The following GABBR2 variants were observed in gnomAD, a reference collection of about 807,000 sequenced individuals.
The protein encoded by GABBR2 is G-protein coupled receptor 51.
GABBR2 carries 23 observed loss-of-function variants against 105.6 expected under a neutral mutation model. That is an observed-to-expected ratio of 0.22 (90% CI 0.16 to 0.31). The LOEUF is 0.31. GABBR2 is among the 10% of genes least tolerant of loss of function. The pLI, the probability that GABBR2 is intolerant of heterozygous loss-of-function variation, is 1.00. For synonymous variants in GABBR2, 478 were observed against 499.7 expected (o/e 0.96, Z 0.58); for missense variants, 734 against 1,245.5 (o/e 0.59, Z 6.18).
intron 15 of GABBR2, among the ~76,000 whole-genome samples, chr9:98,305,251 A>G (rs1390037088): frequency 6.6e-6 from 1 of 152,244 alleles, no homozygotes; most frequent in Non-Finnish European, 1.5e-5. Context: ...TAAATGGAAC[A>G]TATAAGTGGC....
intron 5 of GABBR2, among the ~76,000 whole-genome samples, chr9:98,479,893 C>A (rs1171349379): frequency 6.6e-6 from 1 of 152,186 alleles, no homozygotes; most frequent in African/African-American, 2.4e-5. Context: ...CCTCAGCTAT[C>A]CCTCTACCAC....
At chr9:98,521,545 G>C (rs870083) in intron 3 of GABBR2, among the ~76,000 whole-genome samples, 48,945 of 152,044 alleles carry the variant, frequency 0.32, 8,094 homozygotes, top group Non-Finnish European at 0.34. Context: ...TAGGCACCTT[G>C]CAGACACAGC....
chr9:98,519,727 T>C (rs1173214790), intron 3 of GABBR2, among the ~76,000 whole-genome samples: 1 of 150,386 alleles, frequency 6.6e-6, no homozygotes, highest in African/African-American at 2.5e-5. Context: ...TTTTTTTTTT[T>C]GGTAAAGGGT....
intron 2 of GABBR2, among the ~76,000 whole-genome samples, chr9:98,575,195 T>C (rs568568509): frequency 2.6e-5 from 4 of 152,146 alleles, no homozygotes; most frequent in Non-Finnish European, 4.4e-5. Context: ...GTGATAGGCT[T>C]TCTAGGGCCC....
At chr9:98,577,888 G>A (rs752812224) in intron 2 of GABBR2, 47 bp downstream of exon 2, 4 of 1,558,968 alleles carry the variant, frequency 2.6e-6, no homozygotes, top group Admixed American at 1.9e-5. Flanking sequence ...AAGACTGAGG[G>A]CCAACCAAAG....
Position 98,306,696 on chromosome 9 carries a change from G to A in GABBR2, c.2005-351C>T. 1 of 317,648 alleles carries A rather than the reference G, an allele frequency of 3.1e-6. No individual in the cohort carries two copies. The highest frequency in any genetic ancestry group is 6.0e-6 in the Non-Finnish European group (1 of 167,612). The allele number at this position is 317,648 out of a possible 1,614,324, so 19.7% of individuals were successfully genotyped here. ...CTAGGGAATACTAATATCCAGAAGG[G>A]TGAAGAGGTCTGCCCAAGGCCGCAC... On this transcript the variant is annotated intron_variant, in intron 14 of 18. Transcript: ENST00000259455. The surrounding 1 kb of genome is among the most constrained non-coding windows in gnomAD (Gnocchi z 5.4).
At chr9:98,639,099 A>T (rs1425772199) in intron 1 of GABBR2, among the ~76,000 whole-genome samples, 2 of 152,202 alleles carry the variant, frequency 1.3e-5, no homozygotes, top group East Asian at 1.9e-4. Context: ...GAACACCTCC[A>T]GTGCTGGTTT....
chr9:98,340,183 GTTT>G lies in GABBR2; in HGVS notation c.1893+22529_1893+22531del, dbSNP rs796454954. Among the ~76,000 whole-genome samples, 30 of 57,826 alleles carry G rather than the reference GTTT, an allele frequency of 5.2e-4. No individual in the cohort carries two copies. In the East Asian group the frequency reaches 7.9e-3, roughly 15 times the overall value. The allele number at this position is 57,826 out of a possible 152,430, so 37.9% of individuals were successfully genotyped here. On this transcript the variant is annotated intron_variant, in intron 13 of 18. Coordinates refer to ENST00000259455, the MANE Select transcript of GABBR2 (RefSeq NM_005458.8). ...ATTTATTGCTTTAATCCAGTGAGGG[GTTT>G]TTTTTTTTTTTTTGTTACTACAGCA...
At chr9:98,302,548 T>C (rs999651235) in intron 16 of GABBR2, among the ~76,000 whole-genome samples, 5 of 152,328 alleles carry the variant, frequency 3.3e-5, no homozygotes, top group South Asian at 2.1e-4. Context: ...TTGTAACCAA[T>C]GTACTTTCCT....
At position 98,349,312 on chromosome 9, in the gene GABBR2, TG is replaced by T. The variant is rs566021496; in HGVS notation, c.1893+13402del. ...GTGGTGTATTATCTTTTTGATGTGTTGTTGGATTTGGTTTGCCAATATTTTG... is the reference window on the plus strand; with the variant it reads ...GTGGTGTATTATCTTTTTGATGTGTTTTGGATTTGGTTTGCCAATATTTTG... On this transcript the variant is annotated intron_variant, in intron 13 of 18. Coordinates refer to ENST00000259455, the MANE Select transcript of GABBR2 (RefSeq NM_005458.8). Among the ~76,000 whole-genome samples the T allele has an allele frequency of 3.3e-5, 5 of 151,824 alleles. No individual in the cohort carries two copies. In the East Asian group the frequency reaches 9.7e-4, roughly 29 times the overall value.
intron 12 of GABBR2, among the ~76,000 whole-genome samples, chr9:98,363,262 T>C (rs1831619240): frequency 6.6e-6 from 1 of 152,138 alleles, no homozygotes. Context: ...AATTACTCCA[T>C]AGCGCTTTGT....
At chr9:98,665,908 T>G (rs1444794878) in intron 1 of GABBR2, among the ~76,000 whole-genome samples, 5 of 151,970 alleles carry the variant, frequency 3.3e-5, no homozygotes, top group Non-Finnish European at 7.4e-5. Context: ...AGGAAGTGCT[T>G]TATCTTGACT....
At chr9:98,666,415 T>A (rs753415645) in intron 1 of GABBR2, among the ~76,000 whole-genome samples, 10 of 152,222 alleles carry the variant, frequency 6.6e-5, no homozygotes, top group Non-Finnish European at 5.9e-5. Flanking sequence ...TAGGTTATGG[T>A]AGGTCTAGAG....
At chr9:98,490,944 T>C (rs2779551) in intron 4 of GABBR2, among the ~76,000 whole-genome samples, 10,616 of 151,770 alleles carry the variant, frequency 0.07, 460 homozygotes, top group East Asian at 0.17. Flanking sequence ...TCGATACACA[T>C]CTGCTAAATC....
intron 7 of GABBR2, 61 bp downstream of exon 7, chr9:98,453,920 C>G: frequency 8.9e-7 from 1 of 1,125,948 alleles, no homozygotes; most frequent in Non-Finnish European, 1.4e-6. Flanking sequence ...AACAGCCCCT[C>G]TTTTGCTTTG....
At chr9:98,603,719 G>A (rs1055105159) in intron 1 of GABBR2, among the ~76,000 whole-genome samples, 3 of 152,116 alleles carry the variant, frequency 2.0e-5, no homozygotes, top group Admixed American at 1.3e-4. Context: ...AATCTCAAAC[G>A]GTTCAAGATA....
At position 98,588,232 on chromosome 9, in the gene GABBR2, C is replaced by A. The variant is rs76771424; in HGVS notation, c.322-10160G>T. ...TTGCTAAATCATGTTCAAAATTAGC[C>A]CAGCACCATATCCAACTGAATTAAA... On this transcript the variant is annotated intron_variant, in intron 1 of 18. Coordinates refer to ENST00000259455, the MANE Select transcript of GABBR2 (RefSeq NM_005458.8). Among the ~76,000 whole-genome samples the A allele has an allele frequency of 1.1e-4, 17 of 152,222 alleles. No homozygotes were observed. The East Asian group carries it at 3.1e-3, about 28-fold the overall frequency.
intron 13 of GABBR2, among the ~76,000 whole-genome samples, chr9:98,352,895 G>T (rs977442386): frequency 6.6e-6 from 1 of 152,134 alleles, no homozygotes; most frequent in Non-Finnish European, 1.5e-5. Flanking sequence ...GGGAATGTCA[G>T]TTGGGCTTCA....
chr9:98,424,217 C>A (rs2900381), intron 7 of GABBR2, among the ~76,000 whole-genome samples: 7,412 of 152,014 alleles, frequency 0.049, 312 homozygotes, highest in East Asian at 0.19. Context: ...TAAACAGAAC[C>A]AAAGACAAAA....
Sources: gnomAD v4.1 joint callset for allele counts (sites outside exome capture counted in the v4.1 genomes callset) on GRCh38, gnomAD v4.1.1 for gene constraint, Gnocchi (gnomAD v3.1) non-coding constraint, MANE v1.5 for transcripts, NCBI Gene and HGNC (gene_info 2026-07-23, HGNC 2026-07-21) for gene names.